CPA6: variants seen among roughly 807,000 people sequenced by gnomAD.
CPA6 encodes carboxypeptidase A6, also known as carboxypeptidase B.
CPA6 carries 58 observed loss-of-function variants against 63.3 expected under a neutral mutation model. The ratio of observed to expected loss-of-function variants is 0.92; its 90% CI spans 0.74 to 1.14. CPA6 has a LOEUF of 1.14. Among genes scored for constraint, CPA6 ranks in the 50% most tolerant of loss-of-function variants. CPA6 has a pLI of 0.00. For synonymous variants in CPA6, 185 were observed against 179.0 expected, an observed-to-expected ratio of 1.03 and a Z score of -0.27; for missense variants, 565 against 526.6, an observed-to-expected ratio of 1.07 and a Z score of -0.71.
At chr8:67,475,858 TC>T (rs1337522288) in intron 8 of CPA6, among the ~76,000 whole-genome samples, 39 of 100,954 alleles carry the variant, frequency 3.9e-4, no homozygotes, top group African/African-American at 9.5e-4. Context: ...TTTCTTTCTT[TC>T]TTTCTTTCTT....
intron 1 of CPA6, among the ~76,000 whole-genome samples, chr8:67,699,054 C>T (rs1470028644): frequency 6.6e-6 from 1 of 152,172 alleles, no homozygotes; most frequent in Non-Finnish European, 1.5e-5. Context: ...TGCCACATTG[C>T]TAGAATAACT....
At chr8:67,573,617 G>A (rs1813543092) in intron 2 of CPA6, among the ~76,000 whole-genome samples, 1 of 152,086 alleles carries the variant, frequency 6.6e-6, no homozygotes, top group African/African-American at 2.4e-5. Context: ...AAGAGGCCGG[G>A]CACGGTGGTT....
At chr8:67,695,380 C>A (rs779370001) in intron 1 of CPA6, among the ~76,000 whole-genome samples, 3 of 152,204 alleles carry the variant, frequency 2.0e-5, no homozygotes, top group Non-Finnish European at 4.4e-5. Context: ...GATGACCAGC[C>A]AGCTCCCTGG....
At chr8:67,539,559 G>T (rs558505622) in intron 2 of CPA6, among the ~76,000 whole-genome samples, 1 of 152,180 alleles carries the variant, frequency 6.6e-6, no homozygotes, top group African/African-American at 2.4e-5. Flanking sequence ...CTAGGTTGGG[G>T]AAGTTCTCCT....
chr8:67,655,030 A>G (rs191984606), intron 1 of CPA6, among the ~76,000 whole-genome samples: 26 of 152,318 alleles, frequency 1.7e-4, no homozygotes, highest in African/African-American at 5.8e-4. Flanking sequence ...GTTAGCATAC[A>G]GGCATTCTTT....
intron 2 of CPA6, among the ~76,000 whole-genome samples, chr8:67,592,334 T>C (rs1219090632): frequency 6.6e-6 from 1 of 152,248 alleles, no homozygotes; most frequent in Non-Finnish European, 1.5e-5. Context: ...TCAAGGATAT[T>C]GGTCTAAAAT....
intron 8 of CPA6, among the ~76,000 whole-genome samples, chr8:67,481,687 G>C (rs748237869): frequency 1.3e-5 from 2 of 152,192 alleles, no homozygotes; most frequent in Non-Finnish European, 2.9e-5. Flanking sequence ...TTTATGCTAT[G>C]GATGTTTATT....
intron 7 of CPA6, among the ~76,000 whole-genome samples, chr8:67,484,371 C>CT (rs1164344649): frequency 6.6e-6 from 1 of 152,186 alleles, no homozygotes; most frequent in Admixed American, 6.5e-5. Flanking sequence ...CGCGCCCGGC[C>CT]TTTTTGCCTT....
intron 1 of CPA6, among the ~76,000 whole-genome samples, chr8:67,731,882 G>A (rs759141816): frequency 1.3e-5 from 2 of 152,178 alleles, no homozygotes; most frequent in Non-Finnish European, 2.9e-5. Context: ...GGCTCAAAAT[G>A]AATGATTGAG....
chr8:67,603,261 C>T (rs1214192717), intron 2 of CPA6, among the ~76,000 whole-genome samples: 2 of 152,044 alleles, frequency 1.3e-5, no homozygotes, highest in Admixed American at 6.5e-5. Context: ...TACATGTATT[C>T]TTTACCTCCC....
intron 2 of CPA6, among the ~76,000 whole-genome samples, chr8:67,523,208 T>A (rs1038029202): frequency 2.6e-5 from 4 of 152,274 alleles, no homozygotes; most frequent in East Asian, 1.9e-4. Flanking sequence ...TAGGCTTAAA[T>A]GAATACATAC....
chr8:67,563,131 AC>A (rs1355209426), intron 2 of CPA6, among the ~76,000 whole-genome samples: 73 of 149,666 alleles, frequency 4.9e-4, no homozygotes, highest in Middle Eastern at 6.8e-3. Flanking sequence ...AAAAAAAAAA[AC>A]ACAACCAGGG....
At chr8:67,462,344 TAGC>T (rs750101199) in intron 8 of CPA6, among the ~76,000 whole-genome samples, 15 of 152,346 alleles carry the variant, frequency 9.8e-5, no homozygotes, top group East Asian at 3.9e-4. Flanking sequence ...GTGCATAAAA[TAGC>T]AGCCTCATTC....
chr8:67,610,196 A>G (rs555408784), intron 2 of CPA6, among the ~76,000 whole-genome samples: 92 of 152,130 alleles, frequency 6.0e-4, no homozygotes, highest in Non-Finnish European at 1.2e-3. Context: ...GCAACATGGA[A>G]AGACTCTGAC....
At chr8:67,710,271 G>A (rs1041483203) in intron 1 of CPA6, among the ~76,000 whole-genome samples, 35 of 152,160 alleles carry the variant, frequency 2.3e-4, no homozygotes, top group African/African-American at 7.7e-4. Flanking sequence ...AACCACCTTT[G>A]GAGAGAATAA....
chr8:67,428,552 C>T (rs1044774188), intron 9 of CPA6, among the ~76,000 whole-genome samples: 1 of 152,102 alleles, frequency 6.6e-6, no homozygotes, highest in Non-Finnish European at 1.5e-5. Flanking sequence ...GGCGCGATCT[C>T]TGCTCACTGC....
At chr8:67,472,997 G>A (rs978494130) in intron 8 of CPA6, among the ~76,000 whole-genome samples, 1 of 152,096 alleles carries the variant, frequency 6.6e-6, no homozygotes, top group Non-Finnish European at 1.5e-5. Flanking sequence ...TTCTGCCTAA[G>A]GATCATGAAA....
chr8:67,549,389 G>A (rs928638801), intron 2 of CPA6, among the ~76,000 whole-genome samples: 2 of 152,118 alleles, frequency 1.3e-5, no homozygotes, highest in Non-Finnish European at 2.9e-5. Context: ...TATAAAAGCT[G>A]TACAGTATAC....
Position 67,607,172 on chromosome 8 carries a change from T to C in CPA6, c.192+17004A>G, listed in dbSNP as rs868341901. Among the ~76,000 whole-genome samples, 22 of 4,442 alleles carry C rather than the reference T, an allele frequency of 5.0e-3. 2 individuals carry two copies. The highest frequency in any genetic ancestry group is 0.022 in the African/African-American group (19 of 880). The allele number at this position is 4,442 out of a possible 152,430, so 2.9% of individuals were successfully genotyped here. A position where few individuals can be genotyped will look rare whatever the true frequency, so the allele number is the denominator to read the frequency against. ...CCCCCTCCTCTTCTTCTTCTTCCTC[T>C]TCTTCTTCTTCTTCTTCTTCTTCTT... is the stretch of plus-strand genomic sequence containing the variant. On this transcript the variant is annotated intron_variant, in intron 2 of 10. Coordinates refer to ENST00000297770, the MANE Select transcript of CPA6 (RefSeq NM_020361.5).
Sources: gnomAD v4.1 joint callset for allele counts (sites outside exome capture counted in the v4.1 genomes callset) on GRCh38, gnomAD v4.1.1 for gene constraint, MANE v1.5 for transcripts, NCBI Gene and HGNC (gene_info 2026-07-23, HGNC 2026-07-21) for gene names.